Variants in CDCP1 observed in about 807,000 individuals in gnomAD.
CDCP1 encodes the protein CUB domain containing protein 1, also known as CUB domain-containing protein 1.
CDCP1 carries 29 observed loss-of-function variants against 60.2 expected under a neutral mutation model. The ratio of observed to expected loss-of-function variants is 0.48; its 90% confidence interval spans 0.36 to 0.66. CDCP1 has a LOEUF of 0.66. Ranked by LOEUF, CDCP1 falls within the 30% of genes least tolerant of loss-of-function variation. The pLI, the probability that CDCP1 is intolerant of heterozygous loss-of-function variation, is 0.00. For synonymous variants in CDCP1, 387 were observed against 431.1 expected (o/e 0.90, Z 1.27); for missense variants, 876 against 1,074.3 (o/e 0.82, Z 2.58).
At chr3:45,099,907 T>G (rs1698462518) in intron 4 of CDCP1, among the ~76,000 whole-genome samples, 1 of 152,184 alleles carries the variant, frequency 6.6e-6, no homozygotes, top group Non-Finnish European at 1.5e-5. Context: ...ATAGCTGATT[T>G]TTAGTTTTTT....
At chr3:45,130,207 G>A (rs537956421) in intron 1 of CDCP1, among the ~76,000 whole-genome samples, 19 of 150,854 alleles carry the variant, frequency 1.3e-4, no homozygotes, top group South Asian at 6.3e-4. Flanking sequence ...CTGCAGCTTC[G>A]GCCTCCCAGG....
chr3:45,087,835 T>C (rs1254666501), intron 8 of CDCP1, among the ~76,000 whole-genome samples: 7 of 152,156 alleles, frequency 4.6e-5, no homozygotes, highest in African/African-American at 1.2e-4. Context: ...CTGGCCAACA[T>C]GGTGAAACCC....
chr3:45,095,377 G>A lies in CDCP1; in HGVS notation c.1216C>T (p.Arg406Cys), dbSNP rs1698380322. Residue 406 changes from arginine (R) to cysteine (C), a missense_variant, in exon 5 of 9, where the codon CGT (arginine) becomes TGT (cysteine). Around this residue, in one of 2 missense-constraint regions of CDCP1, gnomAD observed 726 missense variants for 935.7 expected, o/e 0.78. Transcript: ENST00000296129. Reference protein sequence around the residue: ...KISFLCDDLTRLWMNVEKTIS... With the variant: ...KISFLCDDLTCLWMNVEKTIS... ...GTTTTTTCCACATTCATCCACAGAC[G>A]TGTCAGATCATCACAAAGGAAGGAG... The A allele has an allele frequency of 1.9e-6, 3 of 1,614,012 alleles. No individual in the cohort carries two copies. The highest frequency in any genetic ancestry group is 1.7e-6 in the Non-Finnish European group (2 of 1,180,020).
rs1213322874 is a variant in CDCP1, at chr3:45,085,802, C to A, written c.2347G>T (p.Ala783Ser). Residue 783 changes from alanine (A) to serine (S), a missense_variant, in exon 9 of 9, where the codon GCC becomes TCC. Ala to Ser is a moderately conservative substitution (Grantham distance 99). Coordinates refer to ENST00000296129, the MANE Select transcript of CDCP1 (RefSeq NM_022842.5). The surrounding 1 kb of genome is among the most constrained non-coding windows in gnomAD (Gnocchi z 4.2). ...TCAGTGGCCAACTTTGCAGTTGGGGCCCTGGAGCATATGGTGGGTGGGGAG... is the reference window on the plus strand; with the variant it reads ...TCAGTGGCCAACTTTGCAGTTGGGGACCTGGAGCATATGGTGGGTGGGGAG... ...PPSPPTICSRAPTAKLATEEP... is the reference protein window; with the variant it reads ...PPSPPTICSRSPTAKLATEEP... The A allele has an allele frequency of 6.2e-6, 10 of 1,613,904 alleles. No individual in the cohort carries two copies. In the East Asian group the frequency reaches 1.6e-4, roughly 25 times the overall value.
Position 45,084,692 on chromosome 3 carries a change from C to T in CDCP1, c.*946G>A, listed in dbSNP as rs970398129. The T allele has an allele frequency of 6.6e-6, 1 of 152,622 alleles. No individual in the cohort carries two copies. The highest frequency in any genetic ancestry group is 1.5e-5 in the Non-Finnish European group (1 of 68,042). 9.5% of individuals were successfully genotyped at this position (152,622 alleles called of 1,614,324 possible). A position where few individuals can be genotyped will look rare whatever the true frequency, so the allele number is the denominator to read the frequency against. On this transcript the variant is annotated 3_prime_UTR_variant, in exon 9 of 9. Coordinates refer to ENST00000296129, the MANE Select transcript of CDCP1 (RefSeq NM_022842.5). ...GAATTCTGATCCCCAGGACTATAAG[C>T]TAATGTGTTGTTTTTAAGCTACCAA... is the stretch of plus-strand genomic sequence containing the variant.
At chr3:45,119,122 C>T (rs565681217) in intron 1 of CDCP1, among the ~76,000 whole-genome samples, 17 of 151,982 alleles carry the variant, frequency 1.1e-4, no homozygotes, top group South Asian at 2.1e-4. Context: ...TATGTATGTA[C>T]GTATGGTAGT....
chr3:45,121,747 C>T (rs1047041176), intron 1 of CDCP1, among the ~76,000 whole-genome samples: 9 of 152,068 alleles, frequency 5.9e-5, no homozygotes, highest in Non-Finnish European at 1.0e-4. Context: ...TGTATCTTGA[C>T]GATAGCAGTG....
In CDCP1 at chr3:45,118,428, C is replaced by A. The variant is rs1171196466; in HGVS notation, c.276G>T (p.Glu92Asp). 2 of 1,613,736 alleles carry A rather than the reference C, an allele frequency of 1.2e-6. No individual in the cohort carries two copies. The highest frequency in any genetic ancestry group is 1.7e-6 in the Non-Finnish European group (2 of 1,179,634). Reference protein sequence around the residue: ...CQSPENHFVIEIQKNIDCMSG... With the variant: ...CQSPENHFVIDIQKNIDCMSG... ...TCTACTTACCAATATTTTTCTGGAT[C>A]TCTATGACAAAGTGATTCTCAGGAC... The change falls in exon 2 of 9, where the codon GAG becomes GAT. Residue 92 changes from glutamate to aspartate, a missense_variant. Physicochemically the swap from Glu to Asp is conservative, Grantham distance 45. Coordinates refer to ENST00000296129, the MANE Select transcript of CDCP1 (RefSeq NM_022842.5).
intron 1 of CDCP1, among the ~76,000 whole-genome samples, chr3:45,123,714 A>C (rs1698925349): frequency 6.6e-6 from 1 of 152,226 alleles, no homozygotes; most frequent in South Asian, 2.1e-4. Context: ...CCACTGCTTA[A>C]GTAGAGTAAC....
intron 4 of CDCP1, among the ~76,000 whole-genome samples, chr3:45,101,067 C>T (rs1035197005): frequency 1.6e-4 from 25 of 152,178 alleles, no homozygotes; most frequent in African/African-American, 5.1e-4. Context: ...GTTGAAGAAG[C>T]CTCTATTTGT....
At chr3:45,087,207 C>A (rs1277475304) in intron 8 of CDCP1, among the ~76,000 whole-genome samples, 2 of 152,220 alleles carry the variant, frequency 1.3e-5, no homozygotes, top group Non-Finnish European at 2.9e-5. Flanking sequence ...CCAGGAGACA[C>A]TCAGGAAGTA....
chr3:45,138,664 C>T (rs1032874423), intron 1 of CDCP1, among the ~76,000 whole-genome samples: 2 of 152,174 alleles, frequency 1.3e-5, no homozygotes, highest in Admixed American at 1.3e-4. Context: ...GCCTGGCCGA[C>T]ATGGTGAAAC....
chr3:45,146,092 C>T, intron 1 of CDCP1, 114 bp downstream of exon 1: 1 of 920,042 alleles, frequency 1.1e-6, no homozygotes, highest in Non-Finnish European at 1.6e-6. Flanking sequence ...CGCCCTCTCT[C>T]CGCACCCTCC....
chr3:45,099,296 T>A (rs1698452485), intron 4 of CDCP1, among the ~76,000 whole-genome samples: 1 of 152,146 alleles, frequency 6.6e-6, no homozygotes, highest in African/African-American at 2.4e-5. Flanking sequence ...AGGTTGGAAA[T>A]AATATTCCTT....
At chr3:45,109,031 C>T (rs1368183818) in intron 4 of CDCP1, among the ~76,000 whole-genome samples, 1 of 146,352 alleles carries the variant, frequency 6.8e-6, no homozygotes, top group African/African-American at 2.5e-5. Context: ...TTCACTGCAA[C>T]CTCTGCCTTC....
In CDCP1 at chr3:45,112,437, A is replaced by T. The variant is rs1698713272; in HGVS notation, c.301T>A (p.Ser101Thr). ...ACCTCCCCAAAAGGACATGGGCCTG[A>T]CATACAGTCTGAAAAACAGTCACAG... ...IEIQKNIDCMSGPCPFGEVQL... is the reference protein window; with the variant it reads ...IEIQKNIDCMTGPCPFGEVQL... Residue 101 changes from serine to threonine, a missense_variant, in exon 3 of 9, where the codon TCA becomes ACA. Around this residue, in one of 2 missense-constraint regions of CDCP1, gnomAD observed 150 missense variants for 138.6 expected, o/e 1.08. Transcript: ENST00000296129. 1 of 1,612,182 alleles carries T rather than the reference A, an allele frequency of 6.2e-7. No homozygotes were observed. The highest frequency in any genetic ancestry group is 8.5e-7 in the Non-Finnish European group (1 of 1,178,514).
At chr3:45,129,891 A>G (rs1358782242) in intron 1 of CDCP1, among the ~76,000 whole-genome samples, 1 of 152,176 alleles carries the variant, frequency 6.6e-6, no homozygotes, top group Non-Finnish European at 1.5e-5. Context: ...TCCTATTTAT[A>G]TCAAGTTCAA....
chr3:45,113,536 A>G (rs922981045), intron 2 of CDCP1, among the ~76,000 whole-genome samples: 3 of 152,152 alleles, frequency 2.0e-5, no homozygotes, highest in African/African-American at 7.2e-5. Flanking sequence ...CTGCTGTTCT[A>G]TTGGGGTATT....
chr3:45,104,274 T>C (rs1698527438), intron 4 of CDCP1, among the ~76,000 whole-genome samples: 1 of 152,232 alleles, frequency 6.6e-6, no homozygotes, highest in Admixed American at 6.5e-5. Context: ...TCACACTTCA[T>C]TCCACTTTCT....
Sources: allele counts gnomAD v4.1 joint callset (sites outside exome capture counted in the v4.1 genomes callset), GRCh38; gene constraint gnomAD v4.1.1; regional missense constraint gnomAD v4.1.1; non-coding constraint Gnocchi (gnomAD v3.1); transcripts MANE v1.5; gene names NCBI Gene and HGNC (gene_info 2026-07-23, HGNC 2026-07-21).